The following FBXO5 variants were observed in gnomAD, a reference collection of about 807,000 sequenced individuals.
FBXO5 encodes the protein F-box protein 5.
FBXO5 carries 8 observed loss-of-function variants against 43.3 expected under a neutral mutation model. The observed-to-expected ratio is 0.18, with a 90% CI of 0.11 to 0.33. FBXO5 has a LOEUF of 0.33. Among genes scored for constraint, FBXO5 ranks in the 10% least tolerant of loss-of-function variants. The probability of loss-of-function intolerance (pLI) is 1.00; values close to 1 mark genes in which losing one functional copy is unlikely to be tolerated. For missense variants in FBXO5, 491 were observed against 535.7 expected (o/e 0.92, Z 0.82); for synonymous variants, 204 against 193.7 (o/e 1.05, Z -0.44).
At chr6:152,982,753 C>T in intron 1 of FBXO5, 104 bp downstream of exon 1, 2 of 763,362 alleles carry the variant, frequency 2.6e-6, no homozygotes, top group Non-Finnish European at 3.8e-6. Context: ...CATGGCCGCG[C>T]GTCCAGGCTC....
At chr6:152,973,931 C>A (rs1171318267) in intron 2 of FBXO5, 1 of 149,842 alleles carries the variant, frequency 6.7e-6, no homozygotes, top group Non-Finnish European at 1.5e-5. Flanking sequence ...AGTGTAAACT[C>A]ACACTTGCAA....
At chr6:152,975,751 C>T in intron 1 of FBXO5, 130 bp from the exon 2 acceptor site, 2 of 601,300 alleles carry the variant, frequency 3.3e-6, no homozygotes, top group Non-Finnish European at 5.8e-6. Context: ...TACTTGCTTA[C>T]ATAGCTGTGA....
intron 1 of FBXO5, among the ~76,000 whole-genome samples, chr6:152,980,585 G>A (rs577548930): frequency 1.6e-4 from 25 of 152,274 alleles, no homozygotes; most frequent in African/African-American, 6.0e-4. Flanking sequence ...ATTGCAGGAA[G>A]GTAAGTAGAA....
intron 1 of FBXO5, among the ~76,000 whole-genome samples, chr6:152,976,604 G>A (rs182547052): frequency 6.6e-6 from 1 of 152,308 alleles, no homozygotes; most frequent in Admixed American, 6.5e-5. Context: ...CAATTAACCA[G>A]ATTTAAGAAT....
rs35736062 is a variant in FBXO5, at chr6:152,971,422, GAAA to G, written c.1093-11_1093-9del. 1 of 1,408,850 alleles carries G rather than the reference GAAA, an allele frequency of 7.1e-7. No homozygotes were observed. Among genetic ancestry groups the G allele is most frequent in the African/African-American group, 1.5e-5 (1 of 66,722 alleles). 87.3% of individuals were successfully genotyped at this position (1,408,850 alleles called of 1,614,324 possible). A position where few individuals can be genotyped will look rare whatever the true frequency, so the allele number is the denominator to read the frequency against. ...TTTCAATGTCTTGGCAACCTAAAAA[GAAA>G]AAAAAAACCCATTAACAAATTTCAG... is the stretch of plus-strand genomic sequence containing the variant. On this transcript the variant is annotated splice_polypyrimidine_tract_variant and intron_variant, in intron 4 of 4. Coordinates refer to ENST00000229758, the MANE Select transcript of FBXO5 (RefSeq NM_012177.5).
chr6:152,972,442 T>C lies in FBXO5; in HGVS notation c.922A>G (p.Lys308Glu), dbSNP rs1210363852. The C allele has an allele frequency of 6.3e-7, 1 of 1,588,566 alleles. No homozygotes were observed. Among genetic ancestry groups the C allele is most frequent in the Non-Finnish European group, 8.5e-7 (1 of 1,170,000 alleles). The change falls in exon 4 of 5, where the codon AAA becomes GAA. Residue 308 changes from lysine (K) to glutamate (E), a missense_variant. Transcript: ENST00000229758. ...CTGGTTGAAGCATGAGGTGAAAATTTATTGTTGTTTTCCTAATTTAAAAAA... is the reference window on the plus strand; with the variant it reads ...CTGGTTGAAGCATGAGGTGAAAATTCATTGTTGTTTTCCTAATTTAAAAAA... ...AIQRVTENNN[K>E]FSPHASTREY...
At chr6:152,972,947 C>T in intron 3 of FBXO5, 99 bp downstream of exon 3, 1 of 872,934 alleles carries the variant, frequency 1.1e-6, no homozygotes, top group Non-Finnish European at 1.8e-6. Context: ...TACTTTATGA[C>T]TGTAAAGAAG....
Position 152,982,869 on chromosome 6 carries a change from G to T in FBXO5, c.91C>A (p.Arg31=). The stretch of plus-strand genomic sequence containing the variant: ...TCCCCTCACTCACTATCCGAGGGTC[G>T]AGGGCGCCCGGCGGCTGTCACTGCG... ...PSAVTAAGRP[R]PSDSCKEESS... is the part of the protein sequence containing the mutation. Residue 31 remains arginine, a synonymous_variant, in exon 1 of 5, where the codon CGA becomes AGA. Transcript: ENST00000229758. 1.3e-6 allele frequency: 2 copies of T among 1,510,408 alleles called. No homozygotes were observed. Among genetic ancestry groups the T allele is most frequent in the African/African-American group, 1.4e-5 (1 of 69,062 alleles). The allele number at this position is 1,510,408 out of a possible 1,614,324, so 93.6% of individuals were successfully genotyped here.
chr6:152,983,309 A>C, upstream of FBXO5: 1 of 234,216 alleles, frequency 4.3e-6, no homozygotes, highest in African/African-American at 2.2e-5. Context: ...GCCCGGCCAC[A>C]CGTGTGGAGG....
At chr6:152,978,377 T>TGGG (rs1157375982) in intron 1 of FBXO5, among the ~76,000 whole-genome samples, 6 of 21,112 alleles carry the variant, frequency 2.8e-4, no homozygotes, top group Admixed American at 8.7e-4. Flanking sequence ...CTTCATTTTT[T>TGGG]GGGGGGGGGG....
At chr6:152,974,206 CAA>C (rs74642777) in intron 2 of FBXO5, among the ~76,000 whole-genome samples, 28 of 128,726 alleles carry the variant, frequency 2.2e-4, no homozygotes, top group South Asian at 4.9e-4. Context: ...AACCCTGTCT[CAA>C]AAAAAAAAAA....
chr6:152,977,965 T>C (rs776245035), intron 1 of FBXO5, among the ~76,000 whole-genome samples: 1 of 152,208 alleles, frequency 6.6e-6, no homozygotes, highest in Non-Finnish European at 1.5e-5. Flanking sequence ...AAGTTTGCAA[T>C]TTCCAATGCT....
At chr6:152,981,420 CATGTGGTCAACG>C (rs1778255624) in intron 1 of FBXO5, among the ~76,000 whole-genome samples, 2 of 152,248 alleles carry the variant, frequency 1.3e-5, no homozygotes, top group African/African-American at 4.8e-5. Flanking sequence ...AGATAACGAC[CATGTGGTCAACG>C]TTAGGCATGG....
intron 2 of FBXO5, 150 bp downstream of exon 2, chr6:152,974,757 G>T: frequency 1.5e-6 from 1 of 649,742 alleles, no homozygotes; most frequent in South Asian, 2.3e-5. Flanking sequence ...TCCAAAATTT[G>T]AAAAACATCT....
chr6:152,974,685 C>T (rs1778136689), intron 2 of FBXO5, among the ~76,000 whole-genome samples: 1 of 152,176 alleles, frequency 6.6e-6, no homozygotes. Context: ...CACATTGGAG[C>T]ACTTGCGGAT....
rs779584167 is a variant in FBXO5 at position 152,975,110 on chromosome 6, T to A, written c.615A>T (p.Leu205Phe). ...LHFEKVVCST[L>F]KKNAKRNPKV... ...TAGGATTTCGTTTTGCATTCTTTTT[T>A]AATGTTGAACAAACCACTTTTTCAA... Residue 205 changes from leucine to phenylalanine, a missense_variant, in exon 2 of 5, where the codon TTA (leucine) becomes TTT (phenylalanine). Physicochemically the swap from Leu to Phe is conservative, Grantham distance 22. Transcript: ENST00000229758. 12 of 1,614,122 alleles carry A rather than the reference T, an allele frequency of 7.4e-6. No individual in the cohort carries two copies. The highest frequency in any genetic ancestry group is 2.2e-5 in the South Asian group (2 of 91,088).
At position 152,975,217 on chromosome 6, in the gene FBXO5, C is replaced by T. The variant is rs547843677; in HGVS notation, c.508G>A (p.Gly170Ser). 28 of 1,614,058 alleles carry T rather than the reference C, an allele frequency of 1.7e-5. No homozygotes were observed. The highest frequency in any genetic ancestry group is 5.3e-5 in the African/African-American group (4 of 75,024). The change falls in exon 2 of 5, where the codon GGT becomes AGT. Residue 170 changes from glycine (G) to serine (S), a missense_variant. Gly to Ser is a moderately conservative substitution (Grantham distance 56). Transcript: ENST00000229758. ...EEGSLLEENF[G>S]DSLQSCLLQI... ...AGCAGGCAGGATTGTAGACTGTCAC[C>T]GAAATTCTCCTCCAGGAGGCTACCT...
rs1334224204 is a variant in FBXO5 at position 152,975,458 on chromosome 6, G to C, written c.267C>G (p.Asp89Glu). Residue 89 changes from aspartate to glutamate, a missense_variant, in exon 2 of 5, where the codon GAC becomes GAG. Transcript: ENST00000229758. ...ACCCAATACATGACAGCCTTTCATA[G>C]TCTTTAATGCAGTCTTTACAGGAAC... ...LEGSCKDCIK[D>E]YERLSCIGSP... 1.2e-6 allele frequency: 2 copies of C among 1,614,058 alleles called. No homozygotes were observed. Among genetic ancestry groups the C allele is most frequent in the Non-Finnish European group, 8.5e-7 (1 of 1,180,014 alleles).
Position 152,975,173 on chromosome 6 carries a change from G to T in FBXO5, c.552C>A (p.Asp184Glu), listed in dbSNP as rs759765014. 6.2e-7 allele frequency: 1 copy of T among 1,614,150 alleles called. No individual in the cohort carries two copies. Among genetic ancestry groups the T allele is most frequent in the South Asian group, 1.1e-5 (1 of 91,084 alleles). ...GCAGCAAGTTTTTGTTGGGATATTG[G>T]TCTGGGCTTTGTATTTGTAGCAGGC... Reference protein sequence around the residue: ...QSCLLQIQSPDQYPNKNLLPV... With the variant: ...QSCLLQIQSPEQYPNKNLLPV... Residue 184 changes from aspartate to glutamate, a missense_variant, in exon 2 of 5, where the codon GAC becomes GAA. Physicochemically the swap from Asp to Glu is conservative, Grantham distance 45 (BLOSUM62 2). Coordinates refer to ENST00000229758, the MANE Select transcript of FBXO5 (RefSeq NM_012177.5).
Sources: gnomAD v4.1 joint callset for allele counts (sites outside exome capture counted in the v4.1 genomes callset) on GRCh38, gnomAD v4.1.1 for gene constraint, MANE v1.5 for transcripts, NCBI Gene and HGNC (gene_info 2026-07-23, HGNC 2026-07-21) for gene names.